Variants in WDR27 observed in about 807,000 individuals in gnomAD.
The protein encoded by WDR27 is WD repeat-containing protein 27.
A neutral mutation model predicts 114.4 loss-of-function variants in WDR27; 100 were observed. The observed-to-expected ratio is 0.87, with a 90% CI of 0.74 to 1.03. The LOEUF is 1.03. Among genes scored for constraint, WDR27 ranks in the 50% least tolerant of loss-of-function variants. The pLI is 0.00. For synonymous variants in WDR27, 449 were observed against 423.1 expected, an observed-to-expected ratio of 1.06 and a Z score of -0.75; for missense variants, 1,129 against 1,092.9, an observed-to-expected ratio of 1.03 and a Z score of -0.47.
At chr6:169,509,036 C>T (rs992746717) in intron 25 of WDR27, among the ~76,000 whole-genome samples, 4 of 152,104 alleles carry the variant, frequency 2.6e-5, no homozygotes, top group African/African-American at 9.7e-5. Context: ...ACAATTGCTT[C>T]AATGAGAATA....
chr6:169,527,182 A>C (rs1043280775), intron 25 of WDR27, among the ~76,000 whole-genome samples: 2 of 152,210 alleles, frequency 1.3e-5, no homozygotes, highest in Admixed American at 1.3e-4. Flanking sequence ...AACACAAAAA[A>C]TTGTAAATAA....
At chr6:169,473,947 A>G (rs1786786712) in intron 25 of WDR27, among the ~76,000 whole-genome samples, 1 of 152,256 alleles carries the variant, frequency 6.6e-6, no homozygotes, top group Non-Finnish European at 1.5e-5. Flanking sequence ...ATTTGGCCCA[A>G]CTGGGGCCAG....
chr6:169,668,283 C>T, intron 4 of WDR27, 98 bp from the exon 5 acceptor site: 1 of 1,237,258 alleles, frequency 8.1e-7, no homozygotes, highest in Non-Finnish European at 1.1e-6. Context: ...AAGAGGAAAG[C>T]TCAGGCGACA....
chr6:169,472,717 G>A (rs1172951665), intron 25 of WDR27, among the ~76,000 whole-genome samples: 1 of 152,138 alleles, frequency 6.6e-6, no homozygotes, highest in Non-Finnish European at 1.5e-5. Flanking sequence ...TATAGAGCAG[G>A]TTTTGGCCTG....
chr6:169,596,453 T>C (rs1423033482), intron 23 of WDR27, among the ~76,000 whole-genome samples: 1 of 152,116 alleles, frequency 6.6e-6, no homozygotes, highest in Non-Finnish European at 1.5e-5. Flanking sequence ...TCTCATTTCA[T>C]ATATTCCTGT....
intron 2 of WDR27, among the ~76,000 whole-genome samples, chr6:169,680,182 C>T (rs1393629502): frequency 1.3e-5 from 2 of 152,140 alleles, no homozygotes; most frequent in Non-Finnish European, 1.5e-5. Flanking sequence ...AAAATGCTAC[C>T]AGACGGAAAC....
intron 25 of WDR27, among the ~76,000 whole-genome samples, chr6:169,514,378 A>T (rs1172665493): frequency 6.6e-6 from 1 of 150,476 alleles, no homozygotes; most frequent in Admixed American, 6.6e-5. Flanking sequence ...TTGCAAAATT[A>T]TAGTGTTTTC....
chr6:169,534,760 T>C (rs1365527332), intron 25 of WDR27, among the ~76,000 whole-genome samples: 1 of 151,984 alleles, frequency 6.6e-6, no homozygotes, highest in Non-Finnish European at 1.5e-5. Flanking sequence ...CTGATTTTAG[T>C]AATTTGAGTC....
intron 24 of WDR27, 85 bp from the exon 25 acceptor site, chr6:169,572,625 T>C (rs1312110619): frequency 6.6e-6 from 1 of 151,856 alleles, no homozygotes; most frequent in Admixed American, 6.6e-5. Context: ...CTCATTAGTA[T>C]TCAAAGAGCA....
Position 169,687,983 on chromosome 6 carries a change from G to A in WDR27, c.189+834C>T, listed in dbSNP as rs145638438. ...GAAAGAATCTAGCAGCCAAAAAACT[G>A]AAATACAACAAATGTCTACCAACAG... On this transcript the variant is annotated intron_variant, in intron 2 of 25. Transcript: ENST00000448612. Among the ~76,000 whole-genome samples the A allele has an allele frequency of 1.8e-3, 270 of 152,168 alleles. 1 individual carries two copies. Among genetic ancestry groups the A allele is most frequent in the Non-Finnish European group, 3.1e-3 (209 of 67,970 alleles).
At chr6:169,693,469 C>T (rs1157354497) in intron 1 of WDR27, among the ~76,000 whole-genome samples, 1 of 152,096 alleles carries the variant, frequency 6.6e-6, no homozygotes, top group Non-Finnish European at 1.5e-5. Context: ...ATGAATAGAG[C>T]AGTACCCCAC....
intron 25 of WDR27, among the ~76,000 whole-genome samples, chr6:169,500,253 G>T (rs6913565): frequency 0.35 from 53,884 of 151,990 alleles, 10,621 homozygotes; most frequent in African/African-American, 0.53. Context: ...AATACAGGCC[G>T]CTTGGAAAAT....
chr6:169,501,783 C>T (rs1414649858), intron 25 of WDR27, among the ~76,000 whole-genome samples: 1 of 152,180 alleles, frequency 6.6e-6, no homozygotes, highest in Non-Finnish European at 1.5e-5. Context: ...AGTAACCTAG[C>T]GAAGCCCGCG....
chr6:169,535,465 C>T (rs77660736), intron 25 of WDR27, among the ~76,000 whole-genome samples: 5,595 of 152,082 alleles, frequency 0.037, 266 homozygotes, highest in African/African-American at 0.11. Context: ...AATTCAGCAA[C>T]GAGGAAAAAA....
intron 25 of WDR27, among the ~76,000 whole-genome samples, chr6:169,537,740 G>A (rs1184918836): frequency 6.6e-6 from 1 of 152,152 alleles, no homozygotes; most frequent in East Asian, 1.9e-4. Flanking sequence ...CTGGCTGTGG[G>A]TGTAGAAGAG....
Position 169,688,847 on chromosome 6 carries a change from A to G in WDR27, c.159T>C (p.Cys53=), listed in dbSNP as rs761310692. ...GAGAAGGATCCTTAGTGTTCCATAT[A>G]CAAAGTTCAGTTCCATCCAAAGGGA... is the stretch of plus-strand genomic sequence containing the variant. ...CAFPLDGTEL[C]IWNTKDPSHQ... is the part of the protein sequence containing the mutation. Residue 53 remains cysteine, a synonymous_variant, in exon 2 of 26, where the codon TGT becomes TGC. Coordinates refer to ENST00000448612, the MANE Select transcript of WDR27 (RefSeq NM_182552.5). 1 of 1,611,346 alleles carries G rather than the reference A, an allele frequency of 6.2e-7. No individual in the cohort carries two copies. Among genetic ancestry groups the G allele is most frequent in the Non-Finnish European group, 8.5e-7 (1 of 1,179,018 alleles).
At chr6:169,468,925 C>T (rs1036475655) in intron 25 of WDR27, among the ~76,000 whole-genome samples, 5 of 152,108 alleles carry the variant, frequency 3.3e-5, no homozygotes, top group East Asian at 1.9e-4. Flanking sequence ...ATGGCCTTCC[C>T]TTGGCACATG....
intron 25 of WDR27, among the ~76,000 whole-genome samples, chr6:169,520,582 G>A (rs1306551236): frequency 1.3e-5 from 2 of 152,132 alleles, no homozygotes; most frequent in Non-Finnish European, 2.9e-5. Context: ...ACAAGATGAT[G>A]ATAATGTGAA....
chr6:169,644,299 C>T (rs1367814144), intron 16 of WDR27, among the ~76,000 whole-genome samples: 1 of 150,802 alleles, frequency 6.6e-6, no homozygotes, highest in East Asian at 2.0e-4. Context: ...GCCTAGTTCA[C>T]AGGAGTCACA....
Sources: allele counts gnomAD v4.1 joint callset (sites outside exome capture counted in the v4.1 genomes callset), GRCh38; gene constraint gnomAD v4.1.1; transcripts MANE v1.5; gene names NCBI Gene and HGNC (gene_info 2026-07-23, HGNC 2026-07-21).